The following XKR6 variants were observed in gnomAD, a reference collection of about 807,000 sequenced individuals.
XKR6 encodes the protein XK related 6.
XKR6 carries 22 observed loss-of-function variants against 56.7 expected under a neutral mutation model. That is an observed-to-expected ratio of 0.39 (90% CI 0.28 to 0.55). The LOEUF (loss-of-function observed/expected upper bound fraction) is 0.55, where lower values mean the gene tolerates loss of function less well. XKR6 is among the 20% of genes least tolerant of loss of function. The pLI, the probability that XKR6 is intolerant of heterozygous loss-of-function variation, is 0.66. For missense variants in XKR6, 852 were observed against 889.0 expected (o/e 0.96, Z 0.53); for synonymous variants, 524 against 387.8 (o/e 1.35, Z -4.13).
chr8:10,897,860 T>C lies in XKR6; in HGVS notation c.*92A>G. On this transcript the variant is annotated 3_prime_UTR_variant, in exon 3 of 3. Coordinates refer to ENST00000416569, the MANE Select transcript of XKR6 (RefSeq NM_173683.4). The stretch of plus-strand genomic sequence containing the variant: ...GTTGGTGGTGGTGGCGGTGGTTCTG[T>C]GTATTGGGGGAAGGGAGGGTTATAT... The C allele has an allele frequency of 6.8e-7, 1 of 1,475,618 alleles. No homozygotes were observed. Among genetic ancestry groups the C allele is most frequent in the Non-Finnish European group, 9.0e-7 (1 of 1,114,574 alleles). 91.4% of individuals were successfully genotyped at this position (1,475,618 alleles called of 1,614,324 possible).
chr8:10,985,597 T>TAAA (rs35383772), intron 1 of XKR6, among the ~76,000 whole-genome samples: 1 of 136,366 alleles, frequency 7.3e-6, no homozygotes, highest in Non-Finnish European at 1.6e-5. Context: ...ATCTTTTGGT[T>TAAA]AAAAAAAAAA....
chr8:10,912,656 A>ATATGTAAAGAGAGAAAGAGGGTG (rs1428431550), intron 2 of XKR6, among the ~76,000 whole-genome samples: 1 of 44,218 alleles, frequency 2.3e-5, no homozygotes. Flanking sequence ...GGGTGTCTAT[A>ATATGTAAAGAGAGAAAGAGGGTG]TGTGTGTCTA....
intron 1 of XKR6, among the ~76,000 whole-genome samples, chr8:11,193,306 T>A (rs779244146): frequency 6.6e-6 from 1 of 152,260 alleles, no homozygotes; most frequent in Non-Finnish European, 1.5e-5. Context: ...ACTTGTTTAA[T>A]ATTTCAAAAG....
At chr8:11,036,566 A>T (rs1261423083) in intron 1 of XKR6, among the ~76,000 whole-genome samples, 1 of 152,224 alleles carries the variant, frequency 6.6e-6, no homozygotes, top group East Asian at 1.9e-4. Flanking sequence ...CATTTTAACA[A>T]ATTAGCCAGG....
At chr8:10,945,260 G>A (rs1364698625) in intron 1 of XKR6, among the ~76,000 whole-genome samples, 1 of 152,218 alleles carries the variant, frequency 6.6e-6, no homozygotes, top group Admixed American at 6.5e-5. Flanking sequence ...AAGGCAGGCG[G>A]ATCACACGAG....
At chr8:11,169,422 A>G (rs1045794913) in intron 1 of XKR6, among the ~76,000 whole-genome samples, 1 of 152,180 alleles carries the variant, frequency 6.6e-6, no homozygotes, top group Non-Finnish European at 1.5e-5. Flanking sequence ...AATGTAGTAA[A>G]TATCTACAGG....
intron 1 of XKR6, among the ~76,000 whole-genome samples, chr8:11,102,007 C>T (rs912553853): frequency 6.6e-6 from 1 of 152,082 alleles, no homozygotes; most frequent in African/African-American, 2.4e-5. Context: ...GCGGGAGAAA[C>T]GAGGAGGATG....
intron 1 of XKR6, among the ~76,000 whole-genome samples, chr8:10,986,458 C>T (rs978024061): frequency 6.6e-6 from 1 of 152,156 alleles, no homozygotes; most frequent in Non-Finnish European, 1.5e-5. Context: ...ATAAAAGCGA[C>T]ACCATTATCT....
chr8:11,193,986 T>C (rs1056351914), intron 1 of XKR6, among the ~76,000 whole-genome samples: 3 of 152,160 alleles, frequency 2.0e-5, no homozygotes, highest in Admixed American at 1.3e-4. Flanking sequence ...AATTTTAACA[T>C]TAACTAATGA....
At chr8:11,102,028 C>T (rs1158293922) in intron 1 of XKR6, among the ~76,000 whole-genome samples, 2 of 152,158 alleles carry the variant, frequency 1.3e-5, no homozygotes, top group African/African-American at 4.8e-5. Flanking sequence ...TGTCCAGCAA[C>T]ATTTAGAAAC....
chr8:11,142,900 C>G (rs1289164662), intron 1 of XKR6, among the ~76,000 whole-genome samples: 1 of 152,034 alleles, frequency 6.6e-6, no homozygotes, highest in Non-Finnish European at 1.5e-5. Context: ...TCTGAGATCA[C>G]AACGATTTTT....
intron 1 of XKR6, among the ~76,000 whole-genome samples, chr8:11,110,495 G>A (rs1328101941): frequency 1.3e-5 from 2 of 152,226 alleles, no homozygotes; most frequent in Non-Finnish European, 1.5e-5. Flanking sequence ...ACGAATACAC[G>A]AACATTCCAC....
intron 1 of XKR6, among the ~76,000 whole-genome samples, chr8:11,189,241 C>T (rs1803423245): frequency 6.6e-6 from 1 of 152,182 alleles, no homozygotes; most frequent in Non-Finnish European, 1.5e-5. Context: ...ATATCAATTT[C>T]CAAGCATAAT....
rs1057107246 is a variant in XKR6 at position 10,976,049 on chromosome 8, G to A, written c.765-51219C>T. Among the ~76,000 whole-genome samples the A allele has an allele frequency of 9.2e-5, 14 of 152,204 alleles. No individual in the cohort carries two copies. The South Asian group carries it at 1.9e-3, about 20-fold the overall frequency. ...AAATTAGCTGGGCGCAATGGCGGGCGCCTGTAGTCCCAGCTACTTGGGAGG... is the reference window on the plus strand; with the variant it reads ...AAATTAGCTGGGCGCAATGGCGGGCACCTGTAGTCCCAGCTACTTGGGAGG... On this transcript the variant is annotated intron_variant, in intron 1 of 2. Transcript: ENST00000416569.
At chr8:10,926,707 A>C (rs1800896291) in intron 1 of XKR6, among the ~76,000 whole-genome samples, 1 of 152,244 alleles carries the variant, frequency 6.6e-6, no homozygotes, top group African/African-American at 2.4e-5. Context: ...GGGGAAACTG[A>C]GGCTCTAGCA....
intron 1 of XKR6, among the ~76,000 whole-genome samples, chr8:11,141,718 G>A (rs553488851): frequency 4.6e-5 from 7 of 152,256 alleles, no homozygotes; most frequent in African/African-American, 1.7e-4. Flanking sequence ...AGCAGCTCCT[G>A]ATGGGAGCCT....
chr8:11,162,817 A>C (rs993337444), intron 1 of XKR6, among the ~76,000 whole-genome samples: 1 of 152,244 alleles, frequency 6.6e-6, no homozygotes, highest in East Asian at 1.9e-4. Context: ...AAGTGTTTCA[A>C]TTTAAGCCAT....
At chr8:11,045,305 C>T (rs186564573) in intron 1 of XKR6, among the ~76,000 whole-genome samples, 195 of 151,928 alleles carry the variant, frequency 1.3e-3, no homozygotes, top group Admixed American at 1.7e-3. Flanking sequence ...CTAGGCTGGT[C>T]TCGAACTCCT....
At chr8:11,101,251 T>G (rs1163491702) in intron 1 of XKR6, among the ~76,000 whole-genome samples, 2 of 152,174 alleles carry the variant, frequency 1.3e-5, no homozygotes, top group East Asian at 3.8e-4. Flanking sequence ...AGTCAAAAAT[T>G]GGAAAGAACC....
Sources: gnomAD v4.1 joint callset for allele counts (sites outside exome capture counted in the v4.1 genomes callset) on GRCh38, gnomAD v4.1.1 for gene constraint, MANE v1.5 for transcripts, NCBI Gene and HGNC (gene_info 2026-07-23, HGNC 2026-07-21) for gene names.